The following CTNNA2 variants were observed in gnomAD, a reference collection of about 807,000 sequenced individuals.
CTNNA2 encodes the protein catenin alpha-2.
In CTNNA2, 42 loss-of-function variants were observed where a neutral mutation model predicts 101.0. That is an observed-to-expected ratio of 0.42 (90% CI 0.32 to 0.54). The LOEUF is 0.54. CTNNA2 is among the 20% of genes least tolerant of loss of function. CTNNA2 has a pLI of 0.14. For missense variants in CTNNA2, 871 were observed against 1,223.1 expected (o/e 0.71, Z 4.29); for synonymous variants, 450 against 456.4 (o/e 0.99, Z 0.18).
At chr2:79,207,361 G>A (rs1439824922) in intron 2 of CTNNA2, among the ~76,000 whole-genome samples, 3 of 152,116 alleles carry the variant, frequency 2.0e-5, no homozygotes, top group South Asian at 4.1e-4. Context: ...TTAACCTAAA[G>A]CTACCCCTTA....
intron 7 of CTNNA2, among the ~76,000 whole-genome samples, chr2:80,309,149 G>C (rs1229195601): frequency 1.3e-5 from 2 of 152,098 alleles, no homozygotes; most frequent in African/African-American, 4.8e-5. Flanking sequence ...AGAAATGCCA[G>C]TTCATGAGGC....
At chr2:79,425,844 G>T (rs1211264230) in intron 4 of CTNNA2, among the ~76,000 whole-genome samples, 1 of 152,044 alleles carries the variant, frequency 6.6e-6, no homozygotes, top group African/African-American at 2.4e-5. Context: ...AAAGAATAAA[G>T]ATGTTTATCT....
intron 1 of CTNNA2, among the ~76,000 whole-genome samples, chr2:79,513,588 G>A (rs966456994): frequency 6.6e-6 from 1 of 152,078 alleles, no homozygotes; most frequent in African/African-American, 2.4e-5. Flanking sequence ...CAGAAAATTG[G>A]GTGCATATAC....
intron 1 of CTNNA2, among the ~76,000 whole-genome samples, chr2:79,519,668 G>A (rs1558693785): frequency 6.6e-6 from 1 of 151,972 alleles, no homozygotes; most frequent in South Asian, 2.1e-4. Flanking sequence ...AACTTCTGCT[G>A]CATAAGGAAA....
At chr2:80,308,430 TC>T (rs1280163699) in intron 7 of CTNNA2, among the ~76,000 whole-genome samples, 2 of 152,208 alleles carry the variant, frequency 1.3e-5, no homozygotes, top group Admixed American at 1.3e-4. Flanking sequence ...CCATGGCTTT[TC>T]TTTAAAAGGA....
At chr2:80,429,098 A>G (rs545021650) in intron 9 of CTNNA2, among the ~76,000 whole-genome samples, 140 of 152,258 alleles carry the variant, frequency 9.2e-4, no homozygotes, top group Non-Finnish European at 1.7e-3. Context: ...TAAGAAGTAT[A>G]TATTCCAGTA....
intron 7 of CTNNA2, among the ~76,000 whole-genome samples, chr2:80,032,247 A>C (rs1695339273): frequency 1.3e-5 from 2 of 152,122 alleles, no homozygotes; most frequent in Non-Finnish European, 2.9e-5. Flanking sequence ...TTCTTCAGGG[A>C]AGTCTTTCCC....
In CTNNA2 at chr2:80,200,162, A is replaced by G. The variant is rs142343665; in HGVS notation, c.1057-193049A>G. Among the ~76,000 whole-genome samples the G allele has an allele frequency of 6.4e-4, 98 of 152,356 alleles. No individual in the cohort carries two copies. The East Asian group carries it at 0.011, about 17-fold the overall frequency. ...CCCATTTTGACCCTTGAGAAAAGAA[A>G]GAAAGAAAATCAGCATTTATTGAGT... is the stretch of plus-strand genomic sequence containing the variant. On this transcript the variant is annotated intron_variant, in intron 7 of 18. Transcript: ENST00000402739.
At chr2:80,180,029 G>T (rs1313350285) in intron 7 of CTNNA2, among the ~76,000 whole-genome samples, 1 of 152,200 alleles carries the variant, frequency 6.6e-6, no homozygotes, top group Non-Finnish European at 1.5e-5. Context: ...CTATAATGAT[G>T]TTTTGTGTCC....
intron 7 of CTNNA2, among the ~76,000 whole-genome samples, chr2:80,070,863 T>C (rs1698296837): frequency 6.6e-6 from 1 of 152,202 alleles, no homozygotes; most frequent in Non-Finnish European, 1.5e-5. Context: ...CTTGGCCATA[T>C]AACTCCAGTC....
chr2:79,545,621 C>CT (rs1411699169), intron 1 of CTNNA2, among the ~76,000 whole-genome samples: 2 of 151,936 alleles, frequency 1.3e-5, no homozygotes, highest in South Asian at 2.1e-4. Flanking sequence ...ATGTTGTTTT[C>CT]TTTTTTTAAA....
At chr2:80,272,564 A>G (rs1328799259) in intron 7 of CTNNA2, among the ~76,000 whole-genome samples, 1 of 152,168 alleles carries the variant, frequency 6.6e-6, no homozygotes, top group Non-Finnish European at 1.5e-5. Flanking sequence ...AGGGAAAACT[A>G]CATTCTCTCT....
At chr2:80,362,201 C>T (rs1278652221) in intron 7 of CTNNA2, among the ~76,000 whole-genome samples, 7 of 152,122 alleles carry the variant, frequency 4.6e-5, no homozygotes, top group Admixed American at 4.6e-4. Flanking sequence ...TCCTTGATAA[C>T]ATTTCAAAGA....
At chr2:79,940,778 A>T (rs1308465244) in intron 7 of CTNNA2, among the ~76,000 whole-genome samples, 1 of 152,208 alleles carries the variant, frequency 6.6e-6, no homozygotes, top group Non-Finnish European at 1.5e-5. Context: ...GGTGGGCAAA[A>T]TAATCTAATA....
At chr2:79,446,617 G>T (rs1000067725) in intron 4 of CTNNA2, among the ~76,000 whole-genome samples, 1 of 151,966 alleles carries the variant, frequency 6.6e-6, no homozygotes, top group East Asian at 1.9e-4. Flanking sequence ...GTGGAGAAAG[G>T]GTTCAGTGTG....
chr2:80,642,255 C>A (rs1339917102), intron 18 of CTNNA2, among the ~76,000 whole-genome samples: 1 of 152,072 alleles, frequency 6.6e-6, no homozygotes, highest in African/African-American at 2.4e-5. Flanking sequence ...GATATCATGC[C>A]CACAATGAAG....
intron 6 of CTNNA2, among the ~76,000 whole-genome samples, chr2:79,895,177 C>A (rs915795010): frequency 6.6e-6 from 1 of 152,200 alleles, no homozygotes; most frequent in Admixed American, 6.5e-5. Flanking sequence ...ACATGACATT[C>A]TCATTAAGCA....
chr2:79,908,429 G>A (rs144681502), intron 6 of CTNNA2, among the ~76,000 whole-genome samples: 51 of 152,170 alleles, frequency 3.4e-4, no homozygotes, highest in African/African-American at 1.1e-3. Flanking sequence ...CTGGTTCTTG[G>A]ACCTCTGAGA....
chr2:79,968,189 A>G (rs1230022685), intron 7 of CTNNA2, among the ~76,000 whole-genome samples: 1 of 148,374 alleles, frequency 6.7e-6, no homozygotes, highest in Non-Finnish European at 1.5e-5. Flanking sequence ...TAAATTGATG[A>G]ATTTTATGTT....
Sources: allele counts gnomAD v4.1 joint callset (sites outside exome capture counted in the v4.1 genomes callset), GRCh38; gene constraint gnomAD v4.1.1; transcripts MANE v1.5; gene names NCBI Gene and HGNC (gene_info 2026-07-23, HGNC 2026-07-21).